The following CD109 variants were observed in gnomAD, a reference collection of about 807,000 sequenced individuals.
CD109 encodes the protein CD109 molecule.
In CD109, 149 loss-of-function variants were observed where a neutral mutation model predicts 165.8. The observed-to-expected ratio is 0.90, with a 90% confidence interval of 0.79 to 1.03. The LOEUF (loss-of-function observed/expected upper bound fraction) is 1.03, where lower values mean the gene tolerates loss of function less well. CD109 is among the 50% of genes least tolerant of loss of function. The pLI is 0.00. For missense variants in CD109, 1,712 were observed against 1,677.8 expected (o/e 1.02, Z -0.36); for synonymous variants, 585 against 592.1 (o/e 0.99, Z 0.18).
intron 4 of CD109, 75 bp from the exon 5 acceptor site, chr6:73,736,308 A>T (rs1042434044): frequency 1.3e-6 from 2 of 1,514,770 alleles, no homozygotes; most frequent in Non-Finnish European, 8.9e-7. Context: ...GCTGCAAGGC[A>T]TTATTCCTAA....
intron 29 of CD109, among the ~76,000 whole-genome samples, chr6:73,814,629 G>A (rs1223999948): frequency 6.6e-6 from 1 of 152,050 alleles, no homozygotes; most frequent in African/African-American, 2.4e-5. Context: ...ACTCCATTTG[G>A]GCAACAGGCC....
intron 3 of CD109, among the ~76,000 whole-genome samples, chr6:73,725,021 A>G (rs915759150): frequency 2.0e-5 from 3 of 152,198 alleles, no homozygotes; most frequent in Non-Finnish European, 1.5e-5. Context: ...TTAGTATGCT[A>G]TATCTATTCT....
intron 2 of CD109, among the ~76,000 whole-genome samples, chr6:73,700,454 T>C (rs1208226992): frequency 6.6e-6 from 1 of 152,092 alleles, no homozygotes; most frequent in East Asian, 1.9e-4. Context: ...TCTAGTAAAG[T>C]TGGGTAAGGC....
intron 17 of CD109, among the ~76,000 whole-genome samples, 154 bp from the exon 18 acceptor site, chr6:73,782,460 T>C (rs145180523): frequency 6.6e-6 from 1 of 152,360 alleles, no homozygotes; most frequent in Non-Finnish European, 1.5e-5. Context: ...AACCTTCTTC[T>C]ACCTTTTCAC....
chr6:73,683,014 G>C, the CD109 span, among the ~76,000 whole-genome samples: 1 of 152,216 alleles, frequency 6.6e-6, no homozygotes, highest in Non-Finnish European at 1.5e-5. Flanking sequence ...TGTGATGGGA[G>C]GGGCTGCTGC....
the CD109 span, among the ~76,000 whole-genome samples, chr6:73,684,134 A>G: frequency 6.6e-6 from 1 of 152,052 alleles, no homozygotes; most frequent in South Asian, 2.1e-4. Context: ...TATATTGAGA[A>G]ATGTGATTGC....
chr6:73,780,640 T>G, intron 16 of CD109, 142 bp downstream of exon 16: 1 of 554,174 alleles, frequency 1.8e-6, no homozygotes, highest in Non-Finnish European at 3.1e-6. Context: ...TAATTTGAAA[T>G]GAAAAGATAA....
intron 2 of CD109, among the ~76,000 whole-genome samples, chr6:73,722,859 C>T (rs566668887): frequency 7.2e-5 from 11 of 152,270 alleles, no homozygotes; most frequent in Admixed American, 2.6e-4. Flanking sequence ...TCCTTTCTTC[C>T]TTTATCACGA....
At chr6:73,768,546 C>A (rs1325467247) in intron 14 of CD109, among the ~76,000 whole-genome samples, 1 of 152,108 alleles carries the variant, frequency 6.6e-6, no homozygotes, top group Admixed American at 6.5e-5. Context: ...CCAGTGGTAA[C>A]ATAGAATTCG....
At chr6:73,766,220 G>A in intron 11 of CD109, 66 bp downstream of exon 11, 1 of 1,264,250 alleles carries the variant, frequency 7.9e-7, no homozygotes, top group South Asian at 1.3e-5. Flanking sequence ...CTTGTGGTAG[G>A]CACTCAACCT....
chr6:73,808,238 A>G lies in CD109; in HGVS notation c.3345A>G (p.Ala1115=), dbSNP rs759234025. 1 of 1,612,538 alleles carries G rather than the reference A, an allele frequency of 6.2e-7. No homozygotes were observed. Among genetic ancestry groups the G allele is most frequent in the East Asian group, 2.2e-5 (1 of 44,850 alleles). Residue 1115 remains alanine (A), a synonymous_variant, in exon 26 of 33, where the codon GCA becomes GCG. Transcript: ENST00000287097. ...KEALNMLTWR[A]EQEGGMQFWV... ...CTTTGAATATGCTGACTTGGAGAGCAGAACAAGAAGGTAATGTGCTGGGCC... is the reference window on the plus strand; with the variant it reads ...CTTTGAATATGCTGACTTGGAGAGCGGAACAAGAAGGTAATGTGCTGGGCC...
rs73460378 is a variant in CD109 at position 73,793,210 on chromosome 6, C to T, written c.2878+408C>T. On this transcript the variant is annotated intron_variant, in intron 23 of 32. Coordinates refer to ENST00000287097, the MANE Select transcript of CD109 (RefSeq NM_133493.5). Reference sequence around the variant, plus strand: ...CCAGGGCCTCTCTTCTTAAAGAATTCGCTGCTCAATGGAGAAGATGGTTTG... The same window carrying T: ...CCAGGGCCTCTCTTCTTAAAGAATTTGCTGCTCAATGGAGAAGATGGTTTG... Among the ~76,000 whole-genome samples the T allele has an allele frequency of 6.2e-3, 950 of 152,268 alleles. 15 individuals carry two copies. Among genetic ancestry groups the T allele is most frequent in the African/African-American group, 0.021 (886 of 41,562 alleles).
chr6:73,748,570 C>T (rs765892733), intron 5 of CD109, among the ~76,000 whole-genome samples: 3 of 152,156 alleles, frequency 2.0e-5, no homozygotes, highest in Non-Finnish European at 4.4e-5. Flanking sequence ...CCCATTACAC[C>T]TGCCACTCAG....
At position 73,812,197 on chromosome 6, in the gene CD109, TGA is replaced by T; in HGVS notation, c.3703-7_3703-6del. 6.2e-7 allele frequency: 1 copy of T among 1,602,056 alleles called. No homozygotes were observed. The highest frequency in any genetic ancestry group is 8.5e-7 in the Non-Finnish European group (1 of 1,172,340). On this transcript the variant is annotated splice_polypyrimidine_tract_variant and splice_region_variant and intron_variant, in intron 28 of 32. Transcript: ENST00000287097. The stretch of plus-strand genomic sequence containing the variant: ...TAGCCTCATTCACTTTTTTTCACCT[TGA>T]TTCAGCTTGCTGTGGTACAGCCAAC...
Position 73,803,046 on chromosome 6 carries a change from G to A in CD109, c.2879-174G>A, listed in dbSNP as rs181531622. Among the ~76,000 whole-genome samples, 138 of 152,098 alleles carry A rather than the reference G, an allele frequency of 9.1e-4. 2 individuals carry two copies. In the East Asian group the frequency reaches 0.021, roughly 23 times the overall value. On this transcript the variant is annotated intron_variant, in intron 23 of 32. Transcript: ENST00000287097. Reference sequence around the variant, plus strand: ...TATGCATTCTGCTTGAAAAGTCCTGGCATTTTAAATTTCCAACAGCACTTA... The same window carrying A: ...TATGCATTCTGCTTGAAAAGTCCTGACATTTTAAATTTCCAACAGCACTTA...
intron 32 of CD109, among the ~76,000 whole-genome samples, chr6:73,821,530 A>G (rs1776107084): frequency 6.6e-6 from 1 of 152,224 alleles, no homozygotes; most frequent in South Asian, 2.1e-4. Flanking sequence ...ATCATGGAAT[A>G]CTATACAGCC....
chr6:73,697,648 G>A lies in CD109; in HGVS notation c.247+76G>A, dbSNP rs967304672. 12 of 1,344,766 alleles carry A rather than the reference G, an allele frequency of 8.9e-6. No homozygotes were observed. In the African/African-American group the frequency reaches 1.5e-4, roughly 16 times the overall value. 83.3% of individuals were successfully genotyped at this position (1,344,766 alleles called of 1,614,324 possible). Reference sequence around the variant, plus strand: ...TGTTAATAAGGTCATGTGTTAGGTAGTATAGCAGAGAAACCCCAAATTTGC... The same window carrying A: ...TGTTAATAAGGTCATGTGTTAGGTAATATAGCAGAGAAACCCCAAATTTGC... On this transcript the variant is annotated intron_variant, in intron 2 of 32. Transcript: ENST00000287097.
chr6:73,807,066 G>A lies in CD109; in HGVS notation c.3183G>A (p.Lys1061=), dbSNP rs374839982. 1 of 1,607,286 alleles carries A rather than the reference G, an allele frequency of 6.2e-7. No individual in the cohort carries two copies. Among genetic ancestry groups the A allele is most frequent in the East Asian group, 2.2e-5 (1 of 44,798 alleles). ...YIVTSLLGYR[K]YQPNIDVQES... is the part of the protein sequence containing the mutation. ...TAACTTCTCTCCTGGGATATAGAAA[G>A]TATCAGGTATTTCGTATTTAATTTA... The change falls in exon 25 of 33, where the codon AAG becomes AAA. Residue 1061 remains lysine (K), a synonymous_variant. Transcript: ENST00000287097.
chr6:73,696,270 G>C lies in CD109; in HGVS notation c.55G>C (p.Ala19Pro). 3 of 1,530,208 alleles carry C rather than the reference G, an allele frequency of 2.0e-6. No individual in the cohort carries two copies. Among genetic ancestry groups the C allele is most frequent in the Non-Finnish European group, 2.6e-6 (3 of 1,144,102 alleles). 94.8% of individuals were successfully genotyped at this position (1,530,208 alleles called of 1,614,324 possible). A position where few individuals can be genotyped will look rare whatever the true frequency, so the allele number is the denominator to read the frequency against. The change falls in exon 1 of 33, where the codon GCG (alanine) becomes CCG (proline). Residue 19 changes from alanine to proline, a missense_variant. Transcript: ENST00000287097. ...CCACCTCCTCTGCGTGTGCACCGCCGCGCTGGCCGTGGCTCCCGGGTAGGA... is the reference window on the plus strand; with the variant it reads ...CCACCTCCTCTGCGTGTGCACCGCCCCGCTGGCCGTGGCTCCCGGGTAGGA... ...AAHLLCVCTA[A>P]LAVAPGPRFL... is the part of the protein sequence containing the mutation.
Sources: allele counts gnomAD v4.1 joint callset (sites outside exome capture counted in the v4.1 genomes callset), GRCh38; gene constraint gnomAD v4.1.1; transcripts MANE v1.5; gene names NCBI Gene and HGNC (gene_info 2026-07-23, HGNC 2026-07-21).